Variants in LRP1B observed in about 807,000 individuals in gnomAD.
LRP1B encodes LDL receptor related protein 1B.
Under a neutral mutation model 556.6 loss-of-function variants are expected in LRP1B, and 217 were observed. That is an observed-to-expected ratio of 0.39 (90% confidence interval 0.35 to 0.44). LRP1B has a LOEUF of 0.44. Ranked by LOEUF, LRP1B falls within the 20% of genes least tolerant of loss-of-function variation. The pLI, the probability that LRP1B is intolerant of heterozygous loss-of-function variation, is 1.00. For missense variants in LRP1B, 5,053 were observed against 5,620.8 expected, an observed-to-expected ratio of 0.90 and a Z score of 3.23; for synonymous variants, 2,047 against 1,865.8, an observed-to-expected ratio of 1.10 and a Z score of -2.50.
chr2:141,592,955 C>T (rs1305734402), intron 2 of LRP1B, among the ~76,000 whole-genome samples: 1 of 152,070 alleles, frequency 6.6e-6, no homozygotes, highest in African/African-American at 2.4e-5. Flanking sequence ...AATAGAGTCT[C>T]CCTTATTTCT....
At chr2:141,579,742 T>TTTTTTTTTTTTTTTA (rs1686895633) in intron 2 of LRP1B, among the ~76,000 whole-genome samples, 1 of 147,948 alleles carries the variant, frequency 6.8e-6, no homozygotes, top group Non-Finnish European at 1.5e-5. Context: ...TTTTTTTTTT[T>TTTTTTTTTTTTTTTA]GAGACGGAGT....
chr2:141,199,522 C>T (rs1042364515), intron 6 of LRP1B, among the ~76,000 whole-genome samples: 9 of 152,220 alleles, frequency 5.9e-5, no homozygotes, highest in African/African-American at 2.2e-4. Context: ...CTCCTAAACT[C>T]CCTGTTCTAA....
intron 83 of LRP1B, among the ~76,000 whole-genome samples, chr2:140,306,644 G>GCC (rs1159490388): frequency 6.6e-6 from 1 of 151,262 alleles, no homozygotes; most frequent in Non-Finnish European, 1.5e-5. Context: ...GGTTTTTTGT[G>GCC]CCTCTATCTC....
At chr2:141,946,246 C>T (rs1344267556) in intron 1 of LRP1B, among the ~76,000 whole-genome samples, 2 of 152,118 alleles carry the variant, frequency 1.3e-5, no homozygotes, top group African/African-American at 4.8e-5. Flanking sequence ...GTGTTTCTTC[C>T]ACTATAGCAG....
chr2:140,611,560 T>C (rs1309087136), intron 41 of LRP1B, among the ~76,000 whole-genome samples: 1 of 152,088 alleles, frequency 6.6e-6, no homozygotes, highest in African/African-American at 2.4e-5. Context: ...AGAGTTTGGT[T>C]GTTTATCATC....
intron 3 of LRP1B, among the ~76,000 whole-genome samples, chr2:141,363,441 C>T (rs898436790): frequency 1.3e-5 from 2 of 151,970 alleles, no homozygotes; most frequent in African/African-American, 2.4e-5. Context: ...ACATTCTGTT[C>T]CTGTGTTTTT....
rs79239267 is a variant in LRP1B, at chr2:142,075,477, C to A, written c.82+55171G>T. 1.6e-4 allele frequency among the ~76,000 whole-genome samples: 24 copies of A among 152,152 alleles called. No individual in the cohort carries two copies. The East Asian group carries it at 4.5e-3, about 28-fold the overall frequency. On this transcript the variant is annotated intron_variant, in intron 1 of 90. Transcript: ENST00000389484. ...CATTTCTGTCACATCTAATGTGATA[C>A]CTGATGTGGCTCAACTTCATATAAG...
chr2:142,002,638 G>A (rs907365569), intron 1 of LRP1B, among the ~76,000 whole-genome samples: 2 of 151,608 alleles, frequency 1.3e-5, no homozygotes, highest in African/African-American at 4.9e-5. Context: ...CTTCAGACAG[G>A]TACTCACTGA....
At position 140,274,557 on chromosome 2, in the gene LRP1B, T is replaced by C. The variant is rs771990961; in HGVS notation, c.13009A>G (p.Ile4337Val). ...CATTCAACACTTCCATCATCCCCAATGGTACATGATTCAGAATTCACACAA... is the reference window on the plus strand; with the variant it reads ...CATTCAACACTTCCATCATCCCCAACGGTACATGATTCAGAATTCACACAA... Reference protein sequence around the residue: ...HYCVNSESCTIGDDGSVECVC... With the variant: ...HYCVNSESCTVGDDGSVECVC... Residue 4337 changes from isoleucine (I) to valine (V), a missense_variant, in exon 85 of 91, where the codon ATT becomes GTT. By Grantham distance (29) the Ile-to-Val change is conservative. This residue lies in a region of LRP1B where 551 missense variants were observed against 592.0 expected (regional missense o/e 0.93). Coordinates refer to ENST00000389484, the MANE Select transcript of LRP1B (RefSeq NM_018557.3). The C allele has an allele frequency of 6.2e-6, 10 of 1,612,416 alleles. No homozygotes were observed. The highest frequency in any genetic ancestry group is 7.6e-6 in the Non-Finnish European group (9 of 1,179,022).
At chr2:141,352,919 A>C (rs1172552657) in intron 3 of LRP1B, among the ~76,000 whole-genome samples, 1 of 151,978 alleles carries the variant, frequency 6.6e-6, no homozygotes, top group Non-Finnish European at 1.5e-5. Flanking sequence ...TTATATTCAA[A>C]ATGATTAAAA....
chr2:141,969,784 T>C (rs1261103410), intron 1 of LRP1B, among the ~76,000 whole-genome samples: 1 of 151,600 alleles, frequency 6.6e-6, no homozygotes, highest in African/African-American at 2.4e-5. Flanking sequence ...TTTACTGTAT[T>C]AAGATCCCAG....
intron 7 of LRP1B, among the ~76,000 whole-genome samples, chr2:141,111,084 T>A (rs1335256927): frequency 2.0e-5 from 3 of 152,152 alleles, no homozygotes; most frequent in Admixed American, 2.0e-4. Flanking sequence ...GTCCTTGTGA[T>A]CGTGGGATAA....
chr2:140,967,463 T>C (rs907069812), intron 18 of LRP1B, among the ~76,000 whole-genome samples: 7 of 152,184 alleles, frequency 4.6e-5, no homozygotes, highest in African/African-American at 1.7e-4. Flanking sequence ...GTTTTCTAAA[T>C]ATACAATCAT....
rs1559093631 is a variant in LRP1B, at chr2:140,748,127, ATATATAT to A, written c.5758+21079_5758+21085del. ...TATATATATATATATATATATATAT[ATATATAT>A]ATAATTCATATATATGTGTGTATAT... is the stretch of plus-strand genomic sequence containing the variant. On this transcript the variant is annotated intron_variant, in intron 35 of 90. Coordinates refer to ENST00000389484, the MANE Select transcript of LRP1B (RefSeq NM_018557.3). Among the ~76,000 whole-genome samples, 46 of 68,832 alleles carry A rather than the reference ATATATAT, an allele frequency of 6.7e-4. 1 individual carries two copies. In the South Asian group the frequency reaches 8.4e-3, roughly 13 times the overall value. 45.2% of individuals were successfully genotyped at this position (68,832 alleles called of 152,430 possible).
At chr2:142,006,506 T>G (rs1276837582) in intron 1 of LRP1B, among the ~76,000 whole-genome samples, 6 of 152,200 alleles carry the variant, frequency 3.9e-5, no homozygotes, top group Non-Finnish European at 7.4e-5. Context: ...TCCTTTGCAT[T>G]TAAAAATTTT....
intron 13 of LRP1B, 40 bp from the exon 14 acceptor site, chr2:141,013,785 C>A: frequency 8.2e-7 from 1 of 1,225,432 alleles, no homozygotes; most frequent in Admixed American, 2.7e-5. Context: ...CAGAACTGAC[C>A]TTTAGAAACA....
intron 2 of LRP1B, among the ~76,000 whole-genome samples, chr2:141,557,392 T>C (rs146041312): frequency 0.012 from 1,888 of 152,020 alleles, 18 homozygotes; most frequent in Non-Finnish European, 0.021. Flanking sequence ...AGTAACATAC[T>C]GGGAAAACCT....
intron 1 of LRP1B, among the ~76,000 whole-genome samples, chr2:142,128,715 C>T (rs1048614426): frequency 5.3e-5 from 8 of 152,030 alleles, no homozygotes; most frequent in African/African-American, 1.2e-4. Context: ...TTCATGTGGA[C>T]GTGGTGATAC....
intron 43 of LRP1B, among the ~76,000 whole-genome samples, chr2:140,590,434 G>A (rs773179863): frequency 8.1e-4 from 122 of 151,524 alleles, no homozygotes; most frequent in Non-Finnish European, 1.3e-3. Context: ...AAATTTACAT[G>A]TTGAAGCCCT....
Sources: allele counts gnomAD v4.1 joint callset (sites outside exome capture counted in the v4.1 genomes callset), GRCh38; gene constraint gnomAD v4.1.1; regional missense constraint gnomAD v4.1.1; transcripts MANE v1.5; gene names NCBI Gene and HGNC (gene_info 2026-07-23, HGNC 2026-07-21).